Variants in NBAS observed in about 807,000 individuals in gnomAD.
NBAS encodes the protein NAG/BC035112 fusion.
Under a neutral mutation model 302.5 loss-of-function variants are expected in NBAS, and 219 were observed. The ratio of observed to expected loss-of-function variants is 0.72; its 90% confidence interval spans 0.65 to 0.81. The LOEUF is 0.81. Ranked by LOEUF, NBAS falls within the 30% of genes least tolerant of loss-of-function variation. The probability of loss-of-function intolerance (pLI) is 0.00; values close to 1 mark genes in which losing one functional copy is unlikely to be tolerated. For missense variants in NBAS, 2,932 were observed against 2,841.6 expected (o/e 1.03, Z -0.72); for synonymous variants, 1,118 against 1,021.6 (o/e 1.09, Z -1.80).
At chr2:15,068,286 GA>G in the NBAS span, among the ~76,000 whole-genome samples, 2 of 152,174 alleles carry the variant, frequency 1.3e-5, no homozygotes, top group African/African-American at 2.4e-5. Flanking sequence ...TATGTGGGGG[GA>G]AACATCTGTC....
intron 13 of NBAS, 126 bp from the exon 14 acceptor site, chr2:15,476,006 A>G: frequency 1.4e-6 from 1 of 690,666 alleles, no homozygotes. Flanking sequence ...ATGGTATGTT[A>G]AATAATAAGA....
intron 21 of NBAS, among the ~76,000 whole-genome samples, chr2:15,434,267 G>A (rs1677903209): frequency 6.6e-6 from 1 of 152,100 alleles, no homozygotes. Context: ...GATGACTAGA[G>A]AAAACAGATG....
At chr2:14,879,602 A>T in the NBAS span, among the ~76,000 whole-genome samples, 3 of 152,220 alleles carry the variant, frequency 2.0e-5, no homozygotes, top group Non-Finnish European at 2.9e-5. Flanking sequence ...TATAGGGAAG[A>T]CTTCATTTCT....
chr2:15,478,267 G>T lies in NBAS; in HGVS notation c.1106C>A (p.Pro369His). The T allele has an allele frequency of 6.2e-7, 1 of 1,611,504 alleles. No homozygotes were observed. The highest frequency in any genetic ancestry group is 8.5e-7 in the Non-Finnish European group (1 of 1,177,958). Residue 369 changes from proline to histidine, a missense_variant, in exon 13 of 52, where the codon CCT becomes CAT. Transcript: ENST00000281513. ...CTTCTCAGTAGAGAGCCTCCAATCA[G>T]GATTAAGGTCATCATAGCCTGGCTA... The part of the protein sequence containing the change: ...NEQPGYDDLN[P>H]DWRLSTEKRK...
At chr2:15,274,387 C>T (rs1669471600) in intron 44 of NBAS, among the ~76,000 whole-genome samples, 1 of 152,154 alleles carries the variant, frequency 6.6e-6, no homozygotes, top group African/African-American at 2.4e-5. Flanking sequence ...GGGTACTGGG[C>T]AGACCTGGTG....
At chr2:15,444,490 T>C (rs916564139) in intron 21 of NBAS, among the ~76,000 whole-genome samples, 3 of 151,980 alleles carry the variant, frequency 2.0e-5, no homozygotes, top group African/African-American at 7.3e-5. Context: ...TTACACCTTA[T>C]ACAAAAATCA....
At chr2:15,519,768 T>TCC (rs1230413515) in intron 9 of NBAS, among the ~76,000 whole-genome samples, 1 of 152,056 alleles carries the variant, frequency 6.6e-6, no homozygotes, top group Non-Finnish European at 1.5e-5. Flanking sequence ...TCTAACCATT[T>TCC]CCCCAGTTTT....
chr2:15,150,824 T>A, the NBAS span, among the ~76,000 whole-genome samples: 1 of 152,200 alleles, frequency 6.6e-6, no homozygotes, highest in Non-Finnish European at 1.5e-5. Flanking sequence ...CTGTGACAAA[T>A]TTCACTGATA....
chr2:15,152,032 T>C, the NBAS span, among the ~76,000 whole-genome samples: 1 of 151,994 alleles, frequency 6.6e-6, no homozygotes, highest in Non-Finnish European at 1.5e-5. Context: ...ATTTTTTTAG[T>C]AGAGAGGGGG....
chr2:14,901,414 C>T, the NBAS span, among the ~76,000 whole-genome samples: 1 of 147,266 alleles, frequency 6.8e-6, no homozygotes, highest in Non-Finnish European at 1.5e-5. Flanking sequence ...CAGCTAAAGG[C>T]CAAACCAGAA....
At chr2:15,530,019 A>C (rs1572975270) in intron 9 of NBAS, among the ~76,000 whole-genome samples, 2 of 152,194 alleles carry the variant, frequency 1.3e-5, no homozygotes, top group East Asian at 3.8e-4. Context: ...CCAAAATAAA[A>C]CACAAGTCTA....
intron 44 of NBAS, among the ~76,000 whole-genome samples, chr2:15,246,623 G>C (rs1281626050): frequency 6.6e-6 from 1 of 152,126 alleles, no homozygotes; most frequent in Non-Finnish European, 1.5e-5. Flanking sequence ...CATTTAAAAA[G>C]GACACTTTAA....
At chr2:15,507,894 A>G (rs1435123980) in intron 10 of NBAS, among the ~76,000 whole-genome samples, 1 of 152,260 alleles carries the variant, frequency 6.6e-6, no homozygotes, top group Non-Finnish European at 1.5e-5. Flanking sequence ...AATTTTGCAC[A>G]GTCTGTTTTA....
the NBAS span, among the ~76,000 whole-genome samples, chr2:15,034,671 G>A: frequency 6.6e-6 from 1 of 152,096 alleles, no homozygotes; most frequent in Admixed American, 6.5e-5. Context: ...TTAAGTGCCG[G>A]TGGACTACTC....
At chr2:15,289,979 G>C (rs542353470) in intron 41 of NBAS, among the ~76,000 whole-genome samples, 2 of 151,702 alleles carry the variant, frequency 1.3e-5, no homozygotes, top group African/African-American at 2.4e-5. Context: ...CCTGGCGCCA[G>C]AGCGAGACTC....
At chr2:15,312,831 G>A (rs769408432) in intron 38 of NBAS, among the ~76,000 whole-genome samples, 6 of 152,036 alleles carry the variant, frequency 3.9e-5, no homozygotes, top group African/African-American at 7.2e-5. Context: ...TTGGTTCCTC[G>A]TCAAATCCAA....
chr2:14,896,473 C>T, the NBAS span, among the ~76,000 whole-genome samples: 1 of 152,180 alleles, frequency 6.6e-6, no homozygotes, highest in Non-Finnish European at 1.5e-5. Flanking sequence ...AACAAATCTT[C>T]CTTCCTCCGT....
the NBAS span, among the ~76,000 whole-genome samples, chr2:15,018,057 GT>G: frequency 6.6e-6 from 1 of 151,980 alleles, no homozygotes; most frequent in Non-Finnish European, 1.5e-5. Flanking sequence ...GAACATGCAT[GT>G]TTTCACTCGT....
intron 47 of NBAS, among the ~76,000 whole-genome samples, chr2:15,229,944 A>G (rs1667311685): frequency 1.3e-5 from 2 of 152,154 alleles, no homozygotes; most frequent in Non-Finnish European, 2.9e-5. Context: ...GGGATAGTAT[A>G]TACATAACCC....
Sources: allele counts gnomAD v4.1 joint callset (sites outside exome capture counted in the v4.1 genomes callset), GRCh38; gene constraint gnomAD v4.1.1; transcripts MANE v1.5; gene names NCBI Gene and HGNC (gene_info 2026-07-23, HGNC 2026-07-21).